Variants in MACROD2 observed in about 807,000 individuals in gnomAD.
MACROD2 encodes the protein mono-ADP ribosylhydrolase 2, also known as ADP-ribose glycohydrolase MACROD2.
In MACROD2, 36 loss-of-function variants were observed where a neutral mutation model predicts 70.4. The ratio of observed to expected loss-of-function variants is 0.51; its 90% CI spans 0.39 to 0.68. MACROD2 has a LOEUF of 0.68. Among genes scored for constraint, MACROD2 ranks in the 30% least tolerant of loss-of-function variants. MACROD2 has a pLI of 0.00. For missense variants in MACROD2, 496 were observed against 538.4 expected, an observed-to-expected ratio of 0.92 and a Z score of 0.78; for synonymous variants, 172 against 178.8, an observed-to-expected ratio of 0.96 and a Z score of 0.30.
intron 6 of MACROD2, among the ~76,000 whole-genome samples, chr20:15,347,473 G>A (rs2078179274): frequency 1.3e-5 from 2 of 152,038 alleles, no homozygotes. Flanking sequence ...CCATATTCAG[G>A]AACATATAAA....
At chr20:14,016,640 A>G (rs2052996321) in intron 2 of MACROD2, among the ~76,000 whole-genome samples, 1 of 152,104 alleles carries the variant, frequency 6.6e-6, no homozygotes, top group Non-Finnish European at 1.5e-5. Flanking sequence ...GCTGTTGAAA[A>G]GACTTGTCTT....
intron 3 of MACROD2, among the ~76,000 whole-genome samples, chr20:14,102,759 G>A (rs1359712214): frequency 6.6e-6 from 1 of 152,128 alleles, no homozygotes; most frequent in East Asian, 1.9e-4. Context: ...GATGGGGATT[G>A]GGATATAGGA....
At chr20:15,255,026 A>G (rs2077187519) in intron 6 of MACROD2, among the ~76,000 whole-genome samples, 1 of 148,138 alleles carries the variant, frequency 6.8e-6, no homozygotes, top group Non-Finnish European at 1.5e-5. Flanking sequence ...CTGGGGATAC[A>G]TCATTCTGGA....
intron 5 of MACROD2, among the ~76,000 whole-genome samples, chr20:14,822,568 T>C (rs1239447233): frequency 2.0e-5 from 3 of 152,106 alleles, no homozygotes; most frequent in African/African-American, 4.8e-5. Context: ...AGGAAAACAA[T>C]TGAACTTTGG....
At chr20:14,760,316 T>C (rs1324120630) in intron 5 of MACROD2, among the ~76,000 whole-genome samples, 1 of 152,088 alleles carries the variant, frequency 6.6e-6, no homozygotes, top group African/African-American at 2.4e-5. Flanking sequence ...CTTATACTTA[T>C]AAAACTTTCA....
At chr20:14,667,840 T>C (rs1464032351) in intron 4 of MACROD2, among the ~76,000 whole-genome samples, 2 of 152,078 alleles carry the variant, frequency 1.3e-5, no homozygotes, top group Admixed American at 1.3e-4. Flanking sequence ...TTTAAATTTT[T>C]AGTGGGTGAG....
chr20:15,238,781 AATTTGGCTGG>A (rs1863078303), intron 6 of MACROD2, among the ~76,000 whole-genome samples: 1 of 152,192 alleles, frequency 6.6e-6, no homozygotes, highest in Admixed American at 6.5e-5. Context: ...AAAACATCTC[AATTTGGCTGG>A]ATTTGTCAAC....
chr20:14,480,780 G>C (rs1260569410), intron 3 of MACROD2, among the ~76,000 whole-genome samples: 1 of 152,134 alleles, frequency 6.6e-6, no homozygotes, highest in East Asian at 1.9e-4. Context: ...AGTGTGTCTT[G>C]TATGGTAAAT....
chr20:14,982,056 A>C (rs994687416), intron 5 of MACROD2, among the ~76,000 whole-genome samples: 1 of 152,166 alleles, frequency 6.6e-6, no homozygotes, highest in East Asian at 1.9e-4. Flanking sequence ...TGGTGGTCTC[A>C]AATAGAGAGG....
At chr20:15,141,266 A>G (rs1044145518) in intron 5 of MACROD2, among the ~76,000 whole-genome samples, 5 of 152,114 alleles carry the variant, frequency 3.3e-5, no homozygotes, top group East Asian at 1.9e-4. Context: ...TAGAATTTAC[A>G]TGCATTCAGG....
intron 6 of MACROD2, among the ~76,000 whole-genome samples, chr20:15,234,054 C>T (rs1239628712): frequency 8.0e-5 from 4 of 49,796 alleles, no homozygotes; most frequent in South Asian, 1.0e-3. Flanking sequence ...TTTTTTGAGA[C>T]GGAGTCTCGC....
chr20:16,047,651 C>A (rs954144138), intron 17 of MACROD2, among the ~76,000 whole-genome samples: 3 of 134,596 alleles, frequency 2.2e-5, no homozygotes, highest in African/African-American at 8.4e-5. Context: ...AATGAGAATC[C>A]CTTTCAGATG....
chr20:15,745,640 TAAAA>T (rs2051171885), intron 8 of MACROD2, among the ~76,000 whole-genome samples: 1 of 152,180 alleles, frequency 6.6e-6, no homozygotes, highest in South Asian at 2.1e-4. Flanking sequence ...GTTTAACACT[TAAAA>T]GTATTTTCCT....
chr20:15,176,656 T>C (rs1046454384), intron 5 of MACROD2, among the ~76,000 whole-genome samples: 1 of 152,094 alleles, frequency 6.6e-6, no homozygotes, highest in Non-Finnish European at 1.5e-5. Flanking sequence ...TCCACATTGC[T>C]CATCCCCCAA....
intron 5 of MACROD2, among the ~76,000 whole-genome samples, chr20:14,724,074 G>A (rs1600589281): frequency 6.6e-6 from 1 of 152,052 alleles, no homozygotes. Flanking sequence ...TATTTCTTAA[G>A]GACTATGAAT....
intron 8 of MACROD2, among the ~76,000 whole-genome samples, chr20:15,663,877 C>T (rs954624516): frequency 3.3e-5 from 5 of 152,156 alleles, no homozygotes; most frequent in Non-Finnish European, 4.4e-5. Context: ...AAACAGAAGT[C>T]GGGCAAAAGC....
At chr20:15,905,253 T>C (rs1335120454) in intron 10 of MACROD2, among the ~76,000 whole-genome samples, 1 of 152,226 alleles carries the variant, frequency 6.6e-6, no homozygotes, top group Non-Finnish European at 1.5e-5. Flanking sequence ...GAGGAAACTT[T>C]CTTTTAAAAC....
At chr20:15,830,298 T>C (rs2064041245) in intron 8 of MACROD2, among the ~76,000 whole-genome samples, 1 of 152,244 alleles carries the variant, frequency 6.6e-6, no homozygotes. Flanking sequence ...GTGGGGCTGC[T>C]TTCATAGGAT....
At chr20:14,579,013 A>G (rs749884201) in intron 4 of MACROD2, among the ~76,000 whole-genome samples, 14 of 152,222 alleles carry the variant, frequency 9.2e-5, no homozygotes, top group African/African-American at 1.9e-4. Flanking sequence ...GCTGCTAGCT[A>G]AAAGTCCTAA....
Sources: gnomAD v4.1 joint callset for allele counts (sites outside exome capture counted in the v4.1 genomes callset) on GRCh38, gnomAD v4.1.1 for gene constraint, MANE v1.5 for transcripts, NCBI Gene and HGNC (gene_info 2026-07-23, HGNC 2026-07-21) for gene names.